The following PAICS variants were observed in gnomAD, a reference collection of about 807,000 sequenced individuals.
PAICS encodes the protein phosphoribosylaminoimidazole carboxylase and phosphoribosylaminoimidazolesuccinocarboxamide synthase, also known as bifunctional phosphoribosylaminoimidazole carboxylase/phosphoribosylaminoimidazole succinocarboxamide synthetase.
In PAICS, 33 loss-of-function variants were observed where a neutral mutation model predicts 53.7. The observed-to-expected ratio is 0.61, with a 90% CI of 0.47 to 0.82. The LOEUF (loss-of-function observed/expected upper bound fraction) is 0.82, where lower values mean the gene tolerates loss of function less well. Among genes scored for constraint, PAICS ranks in the 40% least tolerant of loss-of-function variants. PAICS has a pLI of 0.00. For synonymous variants in PAICS, 141 were observed against 167.2 expected (o/e 0.84, Z 1.21); for missense variants, 394 against 494.1 (o/e 0.80, Z 1.92).
At chr4:56,424,895 A>G in the PAICS span, among the ~76,000 whole-genome samples, 1 of 152,174 alleles carries the variant, frequency 6.6e-6, no homozygotes, top group East Asian at 1.9e-4. Flanking sequence ...AGTTAAACCT[A>G]TTTTAGGTCA....
rs754664792 is a variant in PAICS at position 56,459,457 on chromosome 4, G to C, written c.1197G>C (p.Trp399Cys). ...TTGGGTTAAGCAACCATTTGGTATGGAGCAAACTGCGAGCAAGCATTTTGA... is the reference window on the plus strand; with the variant it reads ...TTGGGTTAAGCAACCATTTGGTATGCAGCAAACTGCGAGCAAGCATTTTGA... ...QIFGLSNHLV[W>C]SKLRASILNT... Residue 399 changes from tryptophan to cysteine, a missense_variant, in exon 9 of 9, where the codon TGG becomes TGC. By Grantham distance (215) the Trp-to-Cys change is radical. Transcript: ENST00000512576. 6.2e-6 allele frequency: 10 copies of C among 1,607,842 alleles called. No homozygotes were observed. In the South Asian group the frequency reaches 1.1e-4, roughly 18 times the overall value.
At chr4:56,432,698 T>C (rs1255464380), upstream of PAICS, among the ~76,000 whole-genome samples, 1 of 148,274 alleles carries the variant, frequency 6.7e-6, no homozygotes, top group Non-Finnish European at 1.5e-5. Context: ...GGCAGGAGAA[T>C]GGCGTGAACC....
the PAICS span, among the ~76,000 whole-genome samples, chr4:56,428,184 A>T: frequency 1.3e-5 from 2 of 152,340 alleles, no homozygotes; most frequent in East Asian, 3.9e-4. Flanking sequence ...GCTTTAAGTG[A>T]ATGATAATCA....
intron 1 of PAICS, 34 bp downstream of exon 1, chr4:56,436,362 C>A: frequency 6.7e-7 from 1 of 1,482,252 alleles, no homozygotes. Context: ...TTCACGGTCT[C>A]CCTGACCCCC....
the PAICS span, among the ~76,000 whole-genome samples, chr4:56,426,743 C>A: frequency 6.6e-6 from 1 of 152,152 alleles, no homozygotes; most frequent in African/African-American, 2.4e-5. Flanking sequence ...CATTCTGGTA[C>A]AATTTTTTTC....
chr4:56,432,293 C>G (rs1266913328), upstream of PAICS, among the ~76,000 whole-genome samples: 4 of 151,942 alleles, frequency 2.6e-5, no homozygotes, highest in Non-Finnish European at 5.9e-5. Context: ...TTTGGGAGAC[C>G]GAAGAGGGTG....
At chr4:56,419,614 G>C in the PAICS span, 2 of 944,918 alleles carry the variant, frequency 2.1e-6, no homozygotes, top group Non-Finnish European at 2.5e-6. Context: ...CCTAATGCAG[G>C]TATCTCTACG....
chr4:56,433,241 AATGTT>A (rs1281002539), upstream of PAICS, among the ~76,000 whole-genome samples: 4 of 151,832 alleles, frequency 2.6e-5, no homozygotes, highest in African/African-American at 9.7e-5. Flanking sequence ...ACACAAGAGA[AATGTT>A]AAATTGTTTT....
rs565886029 is a variant in PAICS at position 56,457,734 on chromosome 4, C to T, written c.1112-1638C>T. On this transcript the variant is annotated intron_variant, in intron 8 of 8. Coordinates refer to ENST00000512576, the MANE Select transcript of PAICS (RefSeq NM_001079524.2). Reference sequence around the variant, plus strand: ...AGGCTAGAATGCAATGGCGCAACCTCCGCCTCCCAGGTTCAAGCGATTCTC... The same window carrying T: ...AGGCTAGAATGCAATGGCGCAACCTTCGCCTCCCAGGTTCAAGCGATTCTC... Among the ~76,000 whole-genome samples, 68 of 150,452 alleles carry T rather than the reference C, an allele frequency of 4.5e-4. 1 individual carries two copies. In the South Asian group the frequency reaches 0.012, roughly 26 times the overall value.
the PAICS span, among the ~76,000 whole-genome samples, chr4:56,429,516 GAAGA>G: frequency 6.6e-6 from 1 of 152,244 alleles, no homozygotes; most frequent in East Asian, 1.9e-4. Flanking sequence ...ATAGCATGTA[GAAGA>G]AAGAAAATGC....
At chr4:56,413,374 C>T in the PAICS span, among the ~76,000 whole-genome samples, 1 of 152,042 alleles carries the variant, frequency 6.6e-6, no homozygotes, top group Non-Finnish European at 1.5e-5. Context: ...AGGCTGGTCT[C>T]GAAGTCCTGT....
rs199895440 is a variant in PAICS at position 56,463,971 on chromosome 4, AAAG to A, written c.*4434_*4436del. The A allele has an allele frequency of 3.9e-4, 59 of 150,710 alleles. No homozygotes were observed. The highest frequency in any genetic ancestry group is 1.5e-3 in the African/African-American group (58 of 39,956). 9.3% of individuals were successfully genotyped at this position (150,710 alleles called of 1,614,324 possible). A position where few individuals can be genotyped will look rare whatever the true frequency, so the allele number is the denominator to read the frequency against. On this transcript the variant is annotated 3_prime_UTR_variant, in exon 9 of 9. Coordinates refer to ENST00000512576, the MANE Select transcript of PAICS (RefSeq NM_001079524.2). ...CCATTGAGGGCCTGAATAGAACAAA[AAAG>A]GGGAAGAAGGGTGAACTGCTGGGAC...
chr4:56,444,069 A>G (rs1718468425), intron 2 of PAICS, among the ~76,000 whole-genome samples: 1 of 152,134 alleles, frequency 6.6e-6, no homozygotes, highest in African/African-American at 2.4e-5. Context: ...AGTCAAATAA[A>G]TGCCTTATCT....
At chr4:56,459,283 G>T in intron 8 of PAICS, 89 bp from the exon 9 acceptor site, 1 of 753,270 alleles carries the variant, frequency 1.3e-6, no homozygotes, top group Non-Finnish European at 2.0e-6. Flanking sequence ...TCTGTGGCAG[G>T]ACTGCTCTGA....
chr4:56,452,896 G>A (rs1718987072), intron 7 of PAICS, among the ~76,000 whole-genome samples: 1 of 152,192 alleles, frequency 6.6e-6, no homozygotes, highest in African/African-American at 2.4e-5. Flanking sequence ...TGTACAGGTT[G>A]TTGCTATGGA....
At chr4:56,433,465 T>A, upstream of PAICS, among the ~76,000 whole-genome samples, 1 of 133,744 alleles carries the variant, frequency 7.5e-6, no homozygotes, top group Non-Finnish European at 1.6e-5. Context: ...AACTGGGTAC[T>A]AAAACTCCAA....
rs2110105485 is a variant in PAICS at position 56,462,747 on chromosome 4, TC to T, written c.*3212del. 1 of 152,290 alleles carries T rather than the reference TC, an allele frequency of 6.6e-6. No homozygotes were observed. Among genetic ancestry groups the T allele is most frequent in the East Asian group, 1.9e-4 (1 of 5,176 alleles). 9.4% of individuals were successfully genotyped at this position (152,290 alleles called of 1,614,324 possible). ...TGGGCATGGTAGCTCATGCCTGTAA[TC>T]CCAGCACTTTGGGTGGCCGAGGCAG... On this transcript the variant is annotated 3_prime_UTR_variant, in exon 9 of 9. Transcript: ENST00000512576.
chr4:56,458,854 ATATT>A (rs1719358599), intron 8 of PAICS, among the ~76,000 whole-genome samples: 1 of 152,182 alleles, frequency 6.6e-6, no homozygotes, highest in African/African-American at 2.4e-5. Context: ...GATCTTATTA[ATATT>A]TATTTATAAC....
chr4:56,455,383 A>T (rs919897955), intron 8 of PAICS, among the ~76,000 whole-genome samples: 3 of 152,168 alleles, frequency 2.0e-5, no homozygotes, highest in African/African-American at 7.2e-5. Context: ...CAAGTATATT[A>T]AGTCTTTGAG....
Sources: allele counts gnomAD v4.1 joint callset (sites outside exome capture counted in the v4.1 genomes callset), GRCh38; gene constraint gnomAD v4.1.1; transcripts MANE v1.5; gene names NCBI Gene and HGNC (gene_info 2026-07-23, HGNC 2026-07-21).